ADAM32: variants seen among roughly 807,000 people sequenced by gnomAD.
ADAM32 encodes ADAM metallopeptidase domain 32, also known as disintegrin and metalloproteinase domain-containing protein 32.
Under a neutral mutation model 114.9 loss-of-function variants are expected in ADAM32, and 89 were observed. The observed-to-expected ratio is 0.77, with a 90% confidence interval of 0.65 to 0.92. ADAM32 has a LOEUF of 0.92. Among genes scored for constraint, ADAM32 ranks in the 40% least tolerant of loss-of-function variants. The probability of loss-of-function intolerance (pLI) is 0.00; values close to 1 mark genes in which losing one functional copy is unlikely to be tolerated. For synonymous variants in ADAM32, 285 were observed against 307.5 expected, an observed-to-expected ratio of 0.93 and a Z score of 0.77; for missense variants, 870 against 932.8, an observed-to-expected ratio of 0.93 and a Z score of 0.88.
chr8:39,144,571 G>A (rs1157883812), intron 3 of ADAM32, among the ~76,000 whole-genome samples: 3 of 152,190 alleles, frequency 2.0e-5, no homozygotes, highest in Non-Finnish European at 4.4e-5. Context: ...AGTTAATTTA[G>A]TTTAGAATGG....
chr8:39,205,738 C>T (rs1166208429), intron 11 of ADAM32, among the ~76,000 whole-genome samples: 3 of 152,252 alleles, frequency 2.0e-5, no homozygotes, highest in Admixed American at 2.0e-4. Flanking sequence ...TAGACTGGAG[C>T]TGTTCCTATG....
At chr8:39,203,457 T>C (rs1032703163) in intron 11 of ADAM32, among the ~76,000 whole-genome samples, 4 of 152,192 alleles carry the variant, frequency 2.6e-5, no homozygotes, top group Admixed American at 6.5e-5. Context: ...TCGCAACCCC[T>C]GCCTTTTTTT....
Position 39,265,601 on chromosome 8 carries a change from G to A in ADAM32, c.2163-5275G>A, listed in dbSNP as rs192986915. ...GCTTTATAGTGTCAGGGGGCTATGC[G>A]TGTAAGTATAATTTGTGGTGGCAGG... On this transcript the variant is annotated intron_variant, in intron 19 of 24. Coordinates refer to ENST00000379907, the MANE Select transcript of ADAM32 (RefSeq NM_145004.7). Among the ~76,000 whole-genome samples, 361 of 152,288 alleles carry A rather than the reference G, an allele frequency of 2.4e-3. 2 individuals carry two copies. The highest frequency in any genetic ancestry group is 7.6e-3 in the African/African-American group (314 of 41,564).
Position 39,160,933 on chromosome 8 carries a change from C to A in ADAM32, c.562C>A (p.Leu188Ile). ...TGTTCCAGATTTATTTCCTCTTTAT[C>A]TAGAAATGCATATTGTGGTGGACAA... Reference protein sequence around the residue: ...PAVPDLFPLYLEMHIVVDKTL... With the variant: ...PAVPDLFPLYIEMHIVVDKTL... The change falls in exon 7 of 25, where the codon CTA becomes ATA. Residue 188 changes from leucine (L) to isoleucine (I), a missense_variant. Coordinates refer to ENST00000379907, the MANE Select transcript of ADAM32 (RefSeq NM_145004.7). 3 of 1,600,116 alleles carry A rather than the reference C, an allele frequency of 1.9e-6. No homozygotes were observed. The highest frequency in any genetic ancestry group is 2.6e-6 in the Non-Finnish European group (3 of 1,173,620).
chr8:39,159,813 A>C (rs141947805), intron 6 of ADAM32, among the ~76,000 whole-genome samples: 3 of 152,050 alleles, frequency 2.0e-5, no homozygotes, highest in South Asian at 2.1e-4. Flanking sequence ...CAAATTTGGT[A>C]TTTCTTCCTC....
Position 39,272,295 on chromosome 8 carries a change from A to G in ADAM32, c.2201+1381A>G, listed in dbSNP as rs201762926. Among the ~76,000 whole-genome samples, 30 of 152,300 alleles carry G rather than the reference A, an allele frequency of 2.0e-4. No homozygotes were observed. The East Asian group carries it at 5.0e-3, about 25-fold the overall frequency. On this transcript the variant is annotated intron_variant, in intron 20 of 24. Coordinates refer to ENST00000379907, the MANE Select transcript of ADAM32 (RefSeq NM_145004.7). The stretch of plus-strand genomic sequence containing the variant: ...AGATTCATGACTTCTGTCACAATCT[A>G]TAAAATTCCATCCATTTGTTTGTTT...
chr8:39,252,104 A>T, intron 17 of ADAM32, among the ~76,000 whole-genome samples: 1 of 151,660 alleles, frequency 6.6e-6, no homozygotes, highest in Non-Finnish European at 1.5e-5. Flanking sequence ...TACCATGGTG[A>T]TTTGGTTACT....
At chr8:39,207,040 C>T (rs149030687) in intron 11 of ADAM32, among the ~76,000 whole-genome samples, 41 of 152,056 alleles carry the variant, frequency 2.7e-4, no homozygotes, top group African/African-American at 8.2e-4. Flanking sequence ...ACTGTCCCAC[C>T]GCTAGGACTG....
chr8:39,115,410 A>G (rs1361003870), intron 1 of ADAM32, among the ~76,000 whole-genome samples: 1 of 152,156 alleles, frequency 6.6e-6, no homozygotes, highest in East Asian at 1.9e-4. Context: ...TTCCTCTGCA[A>G]CCTTGCCAAC....
At chr8:39,248,124 G>A (rs1261432622) in intron 17 of ADAM32, among the ~76,000 whole-genome samples, 1 of 152,122 alleles carries the variant, frequency 6.6e-6, no homozygotes, top group Non-Finnish European at 1.5e-5. Flanking sequence ...GGTAGTGTTA[G>A]TCTTCTGACT....
chr8:39,167,151 C>A (rs1047887558), intron 9 of ADAM32: 1 of 152,110 alleles, frequency 6.6e-6, no homozygotes, highest in Admixed American at 6.6e-5. Context: ...ATGTTATCTT[C>A]TAGAATTTTT....
At chr8:39,143,239 T>G (rs993752075) in intron 3 of ADAM32, among the ~76,000 whole-genome samples, 2 of 152,200 alleles carry the variant, frequency 1.3e-5, no homozygotes, top group Non-Finnish European at 2.9e-5. Context: ...CCGTCCAATT[T>G]TGTTCCCTGG....
At position 39,262,072 on chromosome 8, in the gene ADAM32, T is replaced by C. The variant is rs184880170; in HGVS notation, c.2162+4729T>C. On this transcript the variant is annotated intron_variant, in intron 19 of 24. Coordinates refer to ENST00000379907, the MANE Select transcript of ADAM32 (RefSeq NM_145004.7). The stretch of plus-strand genomic sequence containing the variant: ...TAATCCCATTTGTTTATTTTTGCTT[T>C]TGTCACCTGTGCTTTTGAAGTCTTA... 2.3e-3 allele frequency among the ~76,000 whole-genome samples: 353 copies of C among 152,330 alleles called. 2 individuals carry two copies. Among genetic ancestry groups the C allele is most frequent in the African/African-American group, 7.5e-3 (312 of 41,576 alleles).
At chr8:39,116,044 T>C (rs1405224307) in intron 1 of ADAM32, among the ~76,000 whole-genome samples, 1 of 152,226 alleles carries the variant, frequency 6.6e-6, no homozygotes, top group African/African-American at 2.4e-5. Context: ...CAGATGGTTA[T>C]AGGTGTGTGG....
chr8:39,254,225 C>CTTTTTTTT (rs59048344), intron 17 of ADAM32, among the ~76,000 whole-genome samples, 189 bp from the exon 18 acceptor site: 1 of 125,334 alleles, frequency 8.0e-6, no homozygotes. Context: ...CTTTATAGTT[C>CTTTTTTTT]TTTTTTTTTT....
At chr8:39,148,567 C>T (rs938318644) in intron 4 of ADAM32, among the ~76,000 whole-genome samples, 11 of 151,694 alleles carry the variant, frequency 7.3e-5, no homozygotes, top group Non-Finnish European at 1.5e-4. Context: ...TTTTCTGTCT[C>T]CCCAGTGCAA....
At chr8:39,171,910 G>A (rs976655665) in intron 10 of ADAM32, among the ~76,000 whole-genome samples, 1 of 151,218 alleles carries the variant, frequency 6.6e-6, no homozygotes, top group African/African-American at 2.4e-5. Context: ...GAGGTGTAAT[G>A]TAGTTGTATA....
intron 1 of ADAM32, among the ~76,000 whole-genome samples, chr8:39,113,610 A>G (rs1262716641): frequency 6.6e-6 from 1 of 152,160 alleles, no homozygotes; most frequent in African/African-American, 2.4e-5. Flanking sequence ...ACTGGACCCC[A>G]AGAAACTTTG....
At chr8:39,251,109 T>C (rs1490953055) in intron 17 of ADAM32, among the ~76,000 whole-genome samples, 1 of 151,954 alleles carries the variant, frequency 6.6e-6, no homozygotes, top group African/African-American at 2.4e-5. Flanking sequence ...ATTTTGGCTA[T>C]TGTGAATAGT....
Sources: allele counts gnomAD v4.1 joint callset (sites outside exome capture counted in the v4.1 genomes callset), GRCh38; gene constraint gnomAD v4.1.1; transcripts MANE v1.5; gene names NCBI Gene and HGNC (gene_info 2026-07-23, HGNC 2026-07-21).